Variants in UNC13B observed in about 807,000 individuals in gnomAD.
UNC13B encodes the protein unc-13 homolog B, also known as protein unc-13 homolog B.
UNC13B carries 144 observed loss-of-function variants against 211.0 expected under a neutral mutation model. The ratio of observed to expected loss-of-function variants is 0.68; its 90% CI spans 0.60 to 0.78. The LOEUF is 0.78. UNC13B is among the 30% of genes least tolerant of loss of function. The pLI is 0.00. For missense variants in UNC13B, 1,777 were observed against 2,002.0 expected (o/e 0.89, Z 2.14); for synonymous variants, 709 against 725.8 (o/e 0.98, Z 0.37).
intron 1 of UNC13B, among the ~76,000 whole-genome samples, chr9:35,190,207 A>G (rs918641282): frequency 1.3e-5 from 2 of 152,200 alleles, no homozygotes; most frequent in African/African-American, 4.8e-5. Flanking sequence ...CCCAAAGCCA[A>G]TTGGCTTATT....
At chr9:35,204,051 G>C (rs886798015) in intron 1 of UNC13B, among the ~76,000 whole-genome samples, 2 of 152,240 alleles carry the variant, frequency 1.3e-5, no homozygotes, top group African/African-American at 2.4e-5. Context: ...ATGCATCCTG[G>C]AGCACTGCTC....
rs1829862415 is a variant in UNC13B at position 35,305,108 on chromosome 9, C to T, written c.5704C>T (p.Pro1902Ser). Reference sequence around the variant, plus strand: ...GGATGAGCGTGAGAATTATGAGCTTCCCCAGGGCCAGTCATCCAAAGAGTC... The same window carrying T: ...GGATGAGCGTGAGAATTATGAGCTTTCCCAGGGCCAGTCATCCAAAGAGTC... ...SGDERENYEL[P>S]QGQSSKESDK... The change falls in exon 9 of 40, where the codon CCC (proline) becomes TCC (serine). Residue 1902 changes from proline (P) to serine (S), a missense_variant. Transcript: ENST00000635942. 2.5e-6 allele frequency: 1 copy of T among 398,896 alleles called. No homozygotes were observed. The highest frequency in any genetic ancestry group is 2.1e-5 in the African/African-American group (1 of 48,718). 24.7% of individuals were successfully genotyped at this position (398,896 alleles called of 1,614,324 possible).
intron 1 of UNC13B, among the ~76,000 whole-genome samples, chr9:35,189,309 G>T (rs952069939): frequency 6.6e-6 from 1 of 152,134 alleles, no homozygotes; most frequent in African/African-American, 2.4e-5. Context: ...TTATGTACCA[G>T]GTGTGGAGCC....
intron 1 of UNC13B, among the ~76,000 whole-genome samples, chr9:35,204,313 C>T (rs1296138994): frequency 6.6e-6 from 1 of 152,232 alleles, no homozygotes; most frequent in African/African-American, 2.4e-5. Flanking sequence ...TCTACTAGTG[C>T]AGTGCAGAGG....
chr9:35,223,321 T>C (rs189604749), intron 1 of UNC13B, among the ~76,000 whole-genome samples: 21 of 152,308 alleles, frequency 1.4e-4, no homozygotes, highest in Non-Finnish European at 2.4e-4. Context: ...ACAGTGTATA[T>C]GAGTTCTCTT....
At chr9:35,247,847 A>T (rs980861756) in intron 6 of UNC13B, among the ~76,000 whole-genome samples, 1 of 151,812 alleles carries the variant, frequency 6.6e-6, no homozygotes, top group African/African-American at 2.4e-5. Context: ...AGGCTTTGGT[A>T]TCAGGATGAT....
At chr9:35,168,913 T>C (rs1289507504) in intron 1 of UNC13B, among the ~76,000 whole-genome samples, 2 of 152,090 alleles carry the variant, frequency 1.3e-5, no homozygotes, top group East Asian at 1.9e-4. Flanking sequence ...GCTCAAGCAA[T>C]CTGCCTGTCT....
At chr9:35,254,248 C>G (rs1041321670) in intron 6 of UNC13B, among the ~76,000 whole-genome samples, 2 of 152,140 alleles carry the variant, frequency 1.3e-5, no homozygotes, top group Non-Finnish European at 2.9e-5. Context: ...TATAACAATG[C>G]AAACTGGATA....
intron 11 of UNC13B, chr9:35,352,067 G>A: frequency 8.1e-7 from 1 of 1,232,198 alleles, no homozygotes; most frequent in Non-Finnish European, 1.0e-6. Context: ...CTCTAGCTGT[G>A]TAGACTCAGT....
intron 1 of UNC13B, among the ~76,000 whole-genome samples, chr9:35,192,819 G>A (rs1266908944): frequency 6.6e-6 from 1 of 152,112 alleles, no homozygotes; most frequent in Non-Finnish European, 1.5e-5. Flanking sequence ...ACTCCAGAGG[G>A]GTGCAAGCTG....
intron 1 of UNC13B, among the ~76,000 whole-genome samples, chr9:35,217,450 G>A (rs1243414060): frequency 1.3e-4 from 20 of 149,400 alleles, no homozygotes; most frequent in Middle Eastern, 3.5e-3. Context: ...GTGCAGTGGC[G>A]TGATCTCAGC....
At chr9:35,170,341 T>C (rs1821266498) in intron 1 of UNC13B, among the ~76,000 whole-genome samples, 1 of 151,952 alleles carries the variant, frequency 6.6e-6, no homozygotes, top group Non-Finnish European at 1.5e-5. Context: ...AATTTTTGTA[T>C]TTTTAGTAGA....
intron 7 of UNC13B, among the ~76,000 whole-genome samples, chr9:35,282,853 A>G (rs551696535): frequency 1.3e-5 from 2 of 152,270 alleles, no homozygotes; most frequent in South Asian, 2.1e-4. Flanking sequence ...TTTGACTTAC[A>G]GAGTTTTTTA....
At chr9:35,396,149 AT>A (rs1473797890) in intron 26 of UNC13B, among the ~76,000 whole-genome samples, 1 of 152,206 alleles carries the variant, frequency 6.6e-6, no homozygotes, top group East Asian at 1.9e-4. Flanking sequence ...ACTAATCAGC[AT>A]CAGCACCCAT....
At position 35,404,042 on chromosome 9, in the gene UNC13B, G is replaced by A. The variant is rs775023364; in HGVS notation, c.*9G>A. 3.7e-6 allele frequency: 6 copies of A among 1,608,990 alleles called. No individual in the cohort carries two copies. Among genetic ancestry groups the A allele is most frequent in the Admixed American group, 1.7e-5 (1 of 59,928 alleles). ...CGGAGGAGGGGAGCTGAACACCTTC[G>A]ACTCCTGTGCCAATCAGGCAGCAGC... On this transcript the variant is annotated 3_prime_UTR_variant, in exon 40 of 40. Coordinates refer to ENST00000635942, the MANE Select transcript of UNC13B (RefSeq NM_001371189.2).
chr9:35,304,499 A>C lies in UNC13B; in HGVS notation c.5095A>C (p.Arg1699=). 1 of 398,724 alleles carries C rather than the reference A, an allele frequency of 2.5e-6. No individual in the cohort carries two copies. The highest frequency in any genetic ancestry group is 3.6e-5 in the East Asian group (1 of 28,064). 24.7% of individuals were successfully genotyped at this position (398,724 alleles called of 1,614,324 possible). ...CTCAAGCAGAGATCAAATTATAGAGAGAGATAAAAACCAGCCTCTAGCTGA... is the reference window on the plus strand; with the variant it reads ...CTCAAGCAGAGATCAAATTATAGAGCGAGATAAAAACCAGCCTCTAGCTGA... ...HVSSRDQIIE[R]DKNQPLAEDS... is the part of the protein sequence containing the mutation. The change falls in exon 9 of 40, where the codon AGA becomes CGA. Residue 1699 remains arginine, a synonymous_variant. Transcript: ENST00000635942.
chr9:35,283,748 T>A (rs1048869369), intron 7 of UNC13B, among the ~76,000 whole-genome samples: 3 of 152,212 alleles, frequency 2.0e-5, no homozygotes, highest in Non-Finnish European at 4.4e-5. Context: ...TTAAATAAAA[T>A]TCTGAGTATT....
chr9:35,201,634 T>C (rs551981103), intron 1 of UNC13B, among the ~76,000 whole-genome samples: 1 of 152,334 alleles, frequency 6.6e-6, no homozygotes, highest in South Asian at 2.1e-4. Context: ...GAGGTGTTTA[T>C]ATTATTCTCT....
chr9:35,399,399 A>G lies in UNC13B; in HGVS notation c.12206A>G (p.Gln4069Arg). Residue 4069 changes from glutamine (Q) to arginine (R), a missense_variant, in exon 35 of 40, where the codon CAG becomes CGG. Physicochemically the swap from Gln to Arg is conservative, Grantham distance 43. Coordinates refer to ENST00000635942, the MANE Select transcript of UNC13B (RefSeq NM_001371189.2). ...LPPLTDQTGT[Q>R]LIFTAAKELS... is the part of the protein sequence containing the mutation. ...GATTCCCTCTCTGCCCAGGGCACCC[A>G]GCTGATCTTCACTGCTGCCAAGGAG... 1 of 1,614,020 alleles carries G rather than the reference A, an allele frequency of 6.2e-7. No individual in the cohort carries two copies. The highest frequency in any genetic ancestry group is 8.5e-7 in the Non-Finnish European group (1 of 1,180,000).
Sources: gnomAD v4.1 joint callset for allele counts (sites outside exome capture counted in the v4.1 genomes callset) on GRCh38, gnomAD v4.1.1 for gene constraint, MANE v1.5 for transcripts, NCBI Gene and HGNC (gene_info 2026-07-23, HGNC 2026-07-21) for gene names.